The following MAGI1 variants were observed in gnomAD, a reference collection of about 807,000 sequenced individuals.
The protein encoded by MAGI1 is membrane-associated guanylate kinase, WW and PDZ domain-containing protein 1.
In MAGI1, 58 loss-of-function variants were observed where a neutral mutation model predicts 139.9. The observed-to-expected ratio is 0.41, with a 90% CI of 0.34 to 0.52. MAGI1 has a LOEUF of 0.52. Among genes scored for constraint, MAGI1 ranks in the 20% least tolerant of loss-of-function variants. MAGI1 has a pLI of 0.12. For synonymous variants in MAGI1, 812 were observed against 737.9 expected, an observed-to-expected ratio of 1.10 and a Z score of -1.63; for missense variants, 1,874 against 1,901.6, an observed-to-expected ratio of 0.99 and a Z score of 0.27.
chr3:66,022,720 T>A (rs1356304036), intron 1 of MAGI1, among the ~76,000 whole-genome samples: 1 of 152,218 alleles, frequency 6.6e-6, no homozygotes, highest in Non-Finnish European at 1.5e-5. Context: ...TGTTACCTAT[T>A]GCCATTATAA....
intron 2 of MAGI1, among the ~76,000 whole-genome samples, chr3:65,505,572 C>T (rs367574519): frequency 5.5e-4 from 83 of 151,474 alleles, no homozygotes; most frequent in South Asian, 1.3e-3. Flanking sequence ...TTAAGACCAG[C>T]AGAGGTTGAG....
intron 1 of MAGI1, among the ~76,000 whole-genome samples, chr3:65,632,108 A>C (rs2084351664): frequency 6.6e-6 from 1 of 152,186 alleles, no homozygotes; most frequent in African/African-American, 2.4e-5. Context: ...TTAAACATAA[A>C]ATTTGCTGAA....
chr3:65,576,191 C>G (rs992819893), intron 2 of MAGI1, among the ~76,000 whole-genome samples: 1 of 152,090 alleles, frequency 6.6e-6, no homozygotes, highest in Non-Finnish European at 1.5e-5. Context: ...GCATTTTTAG[C>G]GGTTTTCTGT....
At position 65,663,054 on chromosome 3, in the gene MAGI1, C is replaced by A. The variant is rs944913777; in HGVS notation, c.314-40966G>T. 2.6e-5 allele frequency among the ~76,000 whole-genome samples: 4 copies of A among 152,260 alleles called. No homozygotes were observed. The South Asian group carries it at 6.2e-4, about 24-fold the overall frequency. ...GAGGTACACCTACCCATGCCTAGCACATACTGGGAATTCAATACATATGTC... is the reference window on the plus strand; with the variant it reads ...GAGGTACACCTACCCATGCCTAGCAAATACTGGGAATTCAATACATATGTC... On this transcript the variant is annotated intron_variant, in intron 1 of 22. Transcript: ENST00000402939.
chr3:65,468,597 G>C (rs1043604696), intron 5 of MAGI1, among the ~76,000 whole-genome samples: 4 of 151,864 alleles, frequency 2.6e-5, no homozygotes, highest in African/African-American at 9.7e-5. Context: ...GGCTGGTCTA[G>C]AGTTCATGAC....
chr3:65,535,160 A>G (rs1392572817), intron 2 of MAGI1, among the ~76,000 whole-genome samples: 1 of 152,168 alleles, frequency 6.6e-6, no homozygotes, highest in Non-Finnish European at 1.5e-5. Flanking sequence ...AATTTGAAAA[A>G]GATATGAAAG....
chr3:65,943,609 C>A (rs1307190285), intron 1 of MAGI1, among the ~76,000 whole-genome samples: 1 of 151,708 alleles, frequency 6.6e-6, no homozygotes, highest in Non-Finnish European at 1.5e-5. Flanking sequence ...CAATACCCTA[C>A]TATATGTGAT....
chr3:65,708,885 C>T (rs772998287), intron 1 of MAGI1, among the ~76,000 whole-genome samples: 5 of 152,078 alleles, frequency 3.3e-5, no homozygotes, highest in East Asian at 1.9e-4. Context: ...AAAGGAGAAA[C>T]GGTAAATCCA....
intron 12 of MAGI1, among the ~76,000 whole-genome samples, chr3:65,420,727 C>G (rs1335931282): frequency 6.6e-6 from 1 of 152,182 alleles, no homozygotes; most frequent in East Asian, 1.9e-4. Flanking sequence ...TTCTACCACT[C>G]TTCCAGAAAG....
chr3:66,029,073 G>A (rs773666771), intron 1 of MAGI1, among the ~76,000 whole-genome samples: 52 of 152,132 alleles, frequency 3.4e-4, no homozygotes, highest in Admixed American at 1.3e-4. Context: ...CCCATTTTCC[G>A]AGGGGGAAAC....
chr3:65,882,841 G>T lies in MAGI1; in HGVS notation c.313+155155C>A, dbSNP rs151156350. 8.6e-3 allele frequency among the ~76,000 whole-genome samples: 1,303 copies of T among 151,520 alleles called. 16 individuals carry two copies. Among genetic ancestry groups the T allele is most frequent in the African/African-American group, 0.03 (1,239 of 41,306 alleles). ...TCTCAGCTACTTGGGAGGCTGAGGTGGGAGGATCACTTGAGCCCAGGAGGT... is the reference window on the plus strand; with the variant it reads ...TCTCAGCTACTTGGGAGGCTGAGGTTGGAGGATCACTTGAGCCCAGGAGGT... On this transcript the variant is annotated intron_variant, in intron 1 of 22. Coordinates refer to ENST00000402939, the MANE Select transcript of MAGI1 (RefSeq NM_001033057.2).
intron 1 of MAGI1, among the ~76,000 whole-genome samples, chr3:65,686,287 G>GT (rs376536558): frequency 6.6e-6 from 1 of 151,850 alleles, no homozygotes; most frequent in Admixed American, 6.6e-5. Context: ...CTGTAGGGGT[G>GT]TTTTTTTGTT....
intron 1 of MAGI1, among the ~76,000 whole-genome samples, chr3:65,979,585 A>G (rs1416195492): frequency 6.6e-6 from 1 of 152,188 alleles, no homozygotes; most frequent in Non-Finnish European, 1.5e-5. Flanking sequence ...ACCTTGAAGT[A>G]CCCAAAGAAA....
intron 1 of MAGI1, among the ~76,000 whole-genome samples, chr3:65,692,148 T>C (rs1425079720): frequency 6.6e-6 from 1 of 152,188 alleles, no homozygotes. Context: ...CTAGATCAGA[T>C]GTTCTAACTT....
intron 1 of MAGI1, among the ~76,000 whole-genome samples, chr3:65,749,051 C>T (rs73832942): frequency 0.054 from 8,283 of 152,138 alleles, 318 homozygotes; most frequent in African/African-American, 0.1. Flanking sequence ...TCAGGCACTA[C>T]TATAAATGGA....
chr3:65,533,050 CT>C (rs925741565), intron 2 of MAGI1, among the ~76,000 whole-genome samples: 26 of 152,142 alleles, frequency 1.7e-4, no homozygotes, highest in African/African-American at 5.8e-4. Flanking sequence ...TAAAGATAAA[CT>C]TTTGGGGGGC....
chr3:66,037,865 C>T (rs183632354), intron 1 of MAGI1, 131 bp downstream of exon 1: 1 of 1,452,440 alleles, frequency 6.9e-7, no homozygotes, highest in African/African-American at 1.4e-5. Context: ...TTCACCGCCA[C>T]CACAGGGCGC....
At chr3:65,912,677 A>T (rs2061721054) in intron 1 of MAGI1, among the ~76,000 whole-genome samples, 3 of 152,196 alleles carry the variant, frequency 2.0e-5, no homozygotes, top group Admixed American at 1.3e-4. Flanking sequence ...TCCTTAATCA[A>T]ATGTGAAAAT....
chr3:65,973,745 C>T (rs927206722), intron 1 of MAGI1, among the ~76,000 whole-genome samples: 5 of 152,178 alleles, frequency 3.3e-5, no homozygotes, highest in Non-Finnish European at 5.9e-5. Flanking sequence ...AAGAAATGTA[C>T]ATAAATTGCT....
Sources: allele counts gnomAD v4.1 joint callset (sites outside exome capture counted in the v4.1 genomes callset), GRCh38; gene constraint gnomAD v4.1.1; transcripts MANE v1.5; gene names NCBI Gene and HGNC (gene_info 2026-07-23, HGNC 2026-07-21).